CARS2: variants seen among roughly 807,000 people sequenced by gnomAD.
CARS2 encodes cysteinyl-tRNA synthetase 2, mitochondrial.
CARS2 carries 52 observed loss-of-function variants against 68.8 expected under a neutral mutation model. The observed-to-expected ratio is 0.76, with a 90% CI of 0.61 to 0.95. CARS2 has a LOEUF of 0.95. CARS2 is among the 40% of genes least tolerant of loss of function. The probability of loss-of-function intolerance (pLI) is 0.00; values close to 1 mark genes in which losing one functional copy is unlikely to be tolerated. For missense variants in CARS2, 780 were observed against 754.2 expected, an observed-to-expected ratio of 1.03 and a Z score of -0.40; for synonymous variants, 314 against 303.6, an observed-to-expected ratio of 1.03 and a Z score of -0.36.
rs2062274850 is a variant in CARS2 at position 110,653,394 on chromosome 13, A to G, written c.988-2294T>C. Among the ~76,000 whole-genome samples the G allele has an allele frequency of 6.6e-6, 1 of 151,746 alleles. No individual in the cohort carries two copies. Among genetic ancestry groups the G allele is most frequent in the Non-Finnish European group, 1.5e-5 (1 of 67,976 alleles). ...GCAGGCTTACTTGACACCCTCCCTCACCCGAGGTGCTGTGGTTCCAATTAA... is the reference window on the plus strand; with the variant it reads ...GCAGGCTTACTTGACACCCTCCCTCGCCCGAGGTGCTGTGGTTCCAATTAA... On this transcript the variant is annotated intron_variant, in intron 9 of 14. Coordinates refer to ENST00000257347, the MANE Select transcript of CARS2 (RefSeq NM_024537.4). This position sits in a 1 kb window ranked among gnomAD's most constrained non-coding sequence, Gnocchi z 5.6.
upstream of CARS2, chr13:110,706,132 C>T (rs1466472640): frequency 7.8e-7 from 1 of 1,274,630 alleles, no homozygotes; most frequent in Non-Finnish European, 9.9e-7. Context: ...GAGACGGGAG[C>T]CACGCCGGGT....
At chr13:110,646,204 C>T in intron 11 of CARS2, 114 bp from the exon 12 acceptor site, 3 of 1,248,710 alleles carry the variant, frequency 2.4e-6, no homozygotes, top group Middle Eastern at 2.8e-4. Flanking sequence ...TGGGGACTTT[C>T]TCTAGGTCAT....
intron 2 of CARS2, among the ~76,000 whole-genome samples, chr13:110,702,149 A>G (rs1051636342): frequency 2.6e-5 from 4 of 152,118 alleles, no homozygotes; most frequent in African/African-American, 4.8e-5. Context: ...TTACCTTAAA[A>G]CTCAAGGTTA....
chr13:110,687,907 T>A (rs2063349213), intron 4 of CARS2, 40 bp downstream of exon 4: 1 of 1,581,654 alleles, frequency 6.3e-7, no homozygotes, highest in Admixed American at 1.7e-5. Context: ...TGCTCACGCC[T>A]GTCACCCTCA....
exon 1 of CARS2, chr13:110,713,146 G>C (rs2064056736): frequency 7.0e-7 from 1 of 1,430,334 alleles, no homozygotes; most frequent in Admixed American, 2.9e-5. Context: ...CGGTCTCCCC[G>C]CCTCCTCTTC....
chr13:110,645,936 G>C, intron 12 of CARS2, 31 bp downstream of exon 12: 1 of 1,604,314 alleles, frequency 6.2e-7, no homozygotes. Context: ...CCTGGCAGCA[G>C]GACCGCAAGG....
intron 9 of CARS2, among the ~76,000 whole-genome samples, chr13:110,655,942 G>C (rs2062354688): frequency 6.6e-6 from 1 of 152,318 alleles, no homozygotes; most frequent in Admixed American, 6.5e-5. Flanking sequence ...CGGGCTCCAG[G>C]CCAGCCTTCT....
At chr13:110,701,226 A>C (rs1184017764) in intron 3 of CARS2, 1 of 385,544 alleles carries the variant, frequency 2.6e-6, no homozygotes, top group African/African-American at 2.1e-5. Context: ...ACCACACCTG[A>C]CTAATTTTTG....
intron 3 of CARS2, among the ~76,000 whole-genome samples, chr13:110,698,665 G>T (rs2063694889): frequency 6.6e-6 from 1 of 152,012 alleles, no homozygotes; most frequent in Non-Finnish European, 1.5e-5. Context: ...GAAGTGATTA[G>T]GCCGTGAGGG....
intron 13 of CARS2, chr13:110,644,169 C>T (rs1251714126): frequency 3.0e-5 from 43 of 1,449,284 alleles, no homozygotes; most frequent in Admixed American, 1.2e-4. Flanking sequence ...GTTCTGCGCA[C>T]GAGAGTTTGC....
intron 8 of CARS2, chr13:110,664,172 T>G (rs2062584079): frequency 1.0e-6 from 1 of 984,972 alleles, no homozygotes; most frequent in African/African-American, 1.7e-5. Context: ...TTTCTGTTTC[T>G]AACAGAAGAC....
rs1043106777 is a variant in CARS2 at position 110,713,043 on chromosome 13, G to T, written n.399+94C>A. The T allele has an allele frequency of 3.4e-6, 5 of 1,474,660 alleles. No homozygotes were observed. The African/African-American group carries it at 4.2e-5, about 12-fold the overall frequency. 91.3% of individuals were successfully genotyped at this position (1,474,660 alleles called of 1,614,324 possible). Reference sequence around the variant, plus strand: ...ACCGAGAGGGTGCCAGTGCGCATGCGCCGCCACTTCCGCCCGTGCCCGGCC... The same window carrying T: ...ACCGAGAGGGTGCCAGTGCGCATGCTCCGCCACTTCCGCCCGTGCCCGGCC... On this transcript the variant is annotated intron_variant and non_coding_transcript_variant, in intron 1 of 2. Coordinates refer to the CARS2 transcript ENST00000485188.
At chr13:110,648,852 G>A (rs548919923) in intron 10 of CARS2, 13 of 152,310 alleles carry the variant, frequency 8.5e-5, no homozygotes, top group Non-Finnish European at 1.6e-4. Context: ...AGTCATACAA[G>A]ATGCTGCCCC....
At position 110,670,006 on chromosome 13, in the gene CARS2, G is replaced by C. The variant is rs1413350084; in HGVS notation, c.786-2533C>G. 1.3e-5 allele frequency among the ~76,000 whole-genome samples: 2 copies of C among 152,224 alleles called. No homozygotes were observed. The highest frequency in any genetic ancestry group is 1.3e-4 in the Admixed American group (2 of 15,284). On this transcript the variant is annotated intron_variant, in intron 7 of 14. Coordinates refer to ENST00000257347, the MANE Select transcript of CARS2 (RefSeq NM_024537.4). This position sits in a 1 kb window ranked among gnomAD's most constrained non-coding sequence, Gnocchi z 4.1. The stretch of plus-strand genomic sequence containing the variant: ...TGAACTGCAAGGCGGCAGCGAGGCT[G>C]GGGGAGGGGCATCTGCCATTGCTGA...
At chr13:110,651,178 C>T in intron 9 of CARS2, 78 bp from the exon 10 acceptor site, 1 of 986,940 alleles carries the variant, frequency 1.0e-6, no homozygotes, top group Non-Finnish European at 1.5e-6. Flanking sequence ...TTACTTTCTA[C>T]AATTACATAA....
At chr13:110,654,060 G>C (rs2062297323) in intron 9 of CARS2, among the ~76,000 whole-genome samples, 1 of 152,166 alleles carries the variant, frequency 6.6e-6, no homozygotes, top group Non-Finnish European at 1.5e-5. Context: ...GGTGGGGATG[G>C]TAACAAGCCA....
intron 7 of CARS2, 83 bp from the exon 8 acceptor site, chr13:110,667,556 C>A (rs2062683824): frequency 4.0e-6 from 5 of 1,259,562 alleles, no homozygotes; most frequent in African/African-American, 1.5e-5. Context: ...TTCCTTCCAG[C>A]CTTTTTAATT....
chr13:110,702,110 C>T lies in CARS2; in HGVS notation c.276-555G>A, dbSNP rs1321745487. ...CTAAAAGGGTTTAAAATCTACTTAGCATCTCAAGAATCTGTTTTCCCATAA... is the reference window on the plus strand; with the variant it reads ...CTAAAAGGGTTTAAAATCTACTTAGTATCTCAAGAATCTGTTTTCCCATAA... On this transcript the variant is annotated intron_variant, in intron 2 of 14. Transcript: ENST00000257347. 2.0e-5 allele frequency among the ~76,000 whole-genome samples: 3 copies of T among 152,208 alleles called. No individual in the cohort carries two copies. In the East Asian group the frequency reaches 5.8e-4, roughly 29 times the overall value.
At position 110,646,871 on chromosome 13, in the gene CARS2, C is replaced by G. The variant is rs7322137; in HGVS notation, c.1193+230G>C. On this transcript the variant is annotated intron_variant, in intron 11 of 14. Coordinates refer to ENST00000257347, the MANE Select transcript of CARS2 (RefSeq NM_024537.4). ...CTCTGGGGAGCCCCTGACCCCACAC[C>G]TCCTGTCCAGCTCCCAGTCCCCTGT... 1.4e-3 allele frequency: 690 copies of G among 504,390 alleles called. 9 individuals are homozygous for G. The highest frequency in any genetic ancestry group is 0.011 in the African/African-American group (594 of 52,266). The allele number at this position is 504,390 out of a possible 1,614,324, so 31.2% of individuals were successfully genotyped here. A position where few individuals can be genotyped will look rare whatever the true frequency, so the allele number is the denominator to read the frequency against.
Sources: allele counts gnomAD v4.1 joint callset (sites outside exome capture counted in the v4.1 genomes callset), GRCh38; gene constraint gnomAD v4.1.1; non-coding constraint Gnocchi (gnomAD v3.1); transcripts MANE v1.5; gene names NCBI Gene and HGNC (gene_info 2026-07-23, HGNC 2026-07-21).